Variants in MAP2K5 observed in about 807,000 individuals in gnomAD.
The protein encoded by MAP2K5 is dual specificity mitogen-activated protein kinase kinase 5.
Under a neutral mutation model 83.1 loss-of-function variants are expected in MAP2K5, and 49 were observed. The observed-to-expected ratio is 0.59, with a 90% CI of 0.47 to 0.75. The LOEUF (loss-of-function observed/expected upper bound fraction) is 0.75. Ranked by LOEUF, MAP2K5 falls within the 30% of genes least tolerant of loss-of-function variation. MAP2K5 has a pLI of 0.00. For missense variants in MAP2K5, 457 were observed against 557.5 expected, an observed-to-expected ratio of 0.82 and a Z score of 1.82; for synonymous variants, 202 against 191.8, an observed-to-expected ratio of 1.05 and a Z score of -0.44.
rs1002602111 is a variant in MAP2K5, at chr15:67,760,932, G to A, written c.1135-8670G>A. ...GGGGGCACTGCTCTGCTTCACTGCCGAGTTGCTGTAATCGTTTTGCCGGCT... is the reference window on the plus strand; with the variant it reads ...GGGGGCACTGCTCTGCTTCACTGCCAAGTTGCTGTAATCGTTTTGCCGGCT... On this transcript the variant is annotated intron_variant, in intron 19 of 21. Coordinates refer to ENST00000178640, the MANE Select transcript of MAP2K5 (RefSeq NM_145160.3). The surrounding 1 kb of genome is among the most constrained non-coding windows in gnomAD (Gnocchi z 4.1). Among the ~76,000 whole-genome samples the A allele has an allele frequency of 3.3e-5, 5 of 152,122 alleles. No individual in the cohort carries two copies. The highest frequency in any genetic ancestry group is 4.8e-5 in the African/African-American group (2 of 41,428).
intron 19 of MAP2K5, among the ~76,000 whole-genome samples, chr15:67,759,115 T>C (rs2089899034): frequency 6.6e-6 from 1 of 152,126 alleles, no homozygotes; most frequent in African/African-American, 2.4e-5. Context: ...GGCTCTTAAA[T>C]GTGTTATCTT....
At position 67,743,698 on chromosome 15, in the gene MAP2K5, T is replaced by A. The variant is rs562746498; in HGVS notation, c.1075-4533T>A. On this transcript the variant is annotated intron_variant, in intron 17 of 21. Coordinates refer to ENST00000178640, the MANE Select transcript of MAP2K5 (RefSeq NM_145160.3). ...TTTGTTTTTGCAAGTTATAATGGAT[T>A]GGAGGTTGTATGTCCCTAAGTTTTA... Among the ~76,000 whole-genome samples, 6 of 152,336 alleles carry A rather than the reference T, an allele frequency of 3.9e-5. No homozygotes were observed. The East Asian group carries it at 9.6e-4, about 24-fold the overall frequency.
At chr15:67,710,497 G>GTTTTTTTT (rs10609519) in intron 16 of MAP2K5, among the ~76,000 whole-genome samples, 3 of 81,032 alleles carry the variant, frequency 3.7e-5, no homozygotes, top group Non-Finnish European at 4.7e-5. Context: ...ATCTTCTGAA[G>GTTTTTTTT]TTTTTTTTTT....
chr15:67,710,077 G>A (rs2088654197), intron 16 of MAP2K5, among the ~76,000 whole-genome samples: 1 of 152,152 alleles, frequency 6.6e-6, no homozygotes, highest in Non-Finnish European at 1.5e-5. Flanking sequence ...GCCCAGGCTT[G>A]CCTTGAATTC....
At chr15:67,792,364 C>T (rs549331067) in intron 21 of MAP2K5, among the ~76,000 whole-genome samples, 1 of 152,216 alleles carries the variant, frequency 6.6e-6, no homozygotes, top group African/African-American at 2.4e-5. Flanking sequence ...CTTTGAAACA[C>T]TTGGATACAC....
intron 13 of MAP2K5, among the ~76,000 whole-genome samples, chr15:67,691,710 A>G (rs2088118447): frequency 6.6e-6 from 1 of 152,140 alleles, no homozygotes; most frequent in East Asian, 1.9e-4. Flanking sequence ...AATTCCTGAA[A>G]AGGCTCATTG....
intron 8 of MAP2K5, chr15:67,629,237 G>A: frequency 1.6e-6 from 1 of 621,930 alleles, no homozygotes; most frequent in Admixed American, 2.1e-5. Context: ...GCACGGTGGT[G>A]GCAGGGCCTA....
intron 4 of MAP2K5, 69 bp from the exon 5 acceptor site, chr15:67,585,821 A>G: frequency 7.3e-7 from 1 of 1,375,616 alleles, no homozygotes; most frequent in Non-Finnish European, 1.0e-6. Context: ...TTCTTTTTAA[A>G]CGATTCATTT....
chr15:67,625,935 A>T (rs137874165), intron 8 of MAP2K5, among the ~76,000 whole-genome samples: 5 of 152,318 alleles, frequency 3.3e-5, no homozygotes, highest in Non-Finnish European at 7.3e-5. Flanking sequence ...TATGGTATGT[A>T]TATTAGACTA....
chr15:67,726,649 A>G (rs1330290220), intron 16 of MAP2K5, among the ~76,000 whole-genome samples: 2 of 152,196 alleles, frequency 1.3e-5, no homozygotes, highest in East Asian at 1.9e-4. Context: ...TTAAGTTGCA[A>G]ATCTTAGGGT....
intron 11 of MAP2K5, among the ~76,000 whole-genome samples, chr15:67,648,478 T>A (rs1441740425): frequency 6.6e-6 from 1 of 152,212 alleles, no homozygotes; most frequent in African/African-American, 2.4e-5. Context: ...TTTCATTAGT[T>A]GATGGACATT....
At chr15:67,669,793 AAC>A (rs2087482536) in intron 13 of MAP2K5, among the ~76,000 whole-genome samples, 1 of 5,554 alleles carries the variant, frequency 1.8e-4, no homozygotes, top group Non-Finnish European at 7.7e-3. Flanking sequence ...AAGAGATAAC[AAC>A]AAAAAACCTG....
intron 4 of MAP2K5, among the ~76,000 whole-genome samples, chr15:67,583,317 T>G (rs986386434): frequency 5.9e-5 from 9 of 152,110 alleles, no homozygotes; most frequent in Non-Finnish European, 8.8e-5. Flanking sequence ...GAGTATGTTA[T>G]GGGGAGAGGA....
rs2088168629 is a variant in MAP2K5 at position 67,693,567 on chromosome 15, C to T, written c.971C>T (p.Ala324Val). 4 of 1,608,762 alleles carry T rather than the reference C, an allele frequency of 2.5e-6. No homozygotes were observed. Among genetic ancestry groups the T allele is most frequent in the South Asian group, 1.1e-5 (1 of 90,754 alleles). Reference protein sequence around the residue: ...KTYVGTNAYMAPERISGEQYG... With the variant: ...KTYVGTNAYMVPERISGEQYG... Reference sequence around the variant, plus strand: ...TATGTTGGAACAAATGCTTATATGGCGGTAAGTAAACTTATGCAAAAATAA... The same window carrying T: ...TATGTTGGAACAAATGCTTATATGGTGGTAAGTAAACTTATGCAAAAATAA... The change falls in exon 15 of 22, where the codon GCG becomes GTG. Residue 324 changes from alanine (A) to valine (V), a missense_variant and splice_region_variant. Ala to Val is a moderately conservative substitution (Grantham distance 64). Coordinates refer to ENST00000178640, the MANE Select transcript of MAP2K5 (RefSeq NM_145160.3).
At position 67,565,523 on chromosome 15, in the gene MAP2K5, C is replaced by T. The variant is rs572460206; in HGVS notation, c.252+2173C>T. Among the ~76,000 whole-genome samples the T allele has an allele frequency of 4.6e-5, 7 of 151,642 alleles. No individual in the cohort carries two copies. Among genetic ancestry groups the T allele is most frequent in the Admixed American group, 6.6e-5 (1 of 15,252 alleles). ...GATTACAGGCATGAGCCACTGTGCC[C>T]GGCCTGTCATCATCATTATTAAATT... is the stretch of plus-strand genomic sequence containing the variant. On this transcript the variant is annotated intron_variant, in intron 3 of 21. Transcript: ENST00000178640. This position sits in a 1 kb window ranked among gnomAD's most constrained non-coding sequence, Gnocchi z 4.1.
Position 67,770,293 on chromosome 15 carries a change from T to TCTTTGCCAGGCTTCTGC in MAP2K5, c.1196+639_1196+640insGCTTCTGCCTTTGCCAG, listed in dbSNP as rs1283481735. On this transcript the variant is annotated intron_variant, in intron 20 of 21. Coordinates refer to ENST00000178640, the MANE Select transcript of MAP2K5 (RefSeq NM_145160.3). The surrounding 1 kb of genome is among the most constrained non-coding windows in gnomAD (Gnocchi z 5.0). Reference sequence around the variant, plus strand: ...AAACAAGCATTTTACTGCCAAGGGTTCTTTGCCAGCCTTCTGCCTTTTTCC... The same window carrying TCTTTGCCAGGCTTCTGC: ...AAACAAGCATTTTACTGCCAAGGGTTCTTTGCCAGGCTTCTGCCTTTGCCAGCCTTCTGCCTTTTTCC... Among the ~76,000 whole-genome samples the TCTTTGCCAGGCTTCTGC allele has an allele frequency of 6.6e-6, 1 of 152,212 alleles. No homozygotes were observed. Among genetic ancestry groups the TCTTTGCCAGGCTTCTGC allele is most frequent in the African/African-American group, 2.4e-5 (1 of 41,440 alleles).
chr15:67,804,057 G>T (rs930060558), intron 21 of MAP2K5, among the ~76,000 whole-genome samples: 2 of 152,132 alleles, frequency 1.3e-5, no homozygotes, highest in African/African-American at 4.8e-5. Flanking sequence ...TGCCTCACAG[G>T]ATCCTGTGAC....
rs1428042623 is a variant in MAP2K5 at position 67,736,245 on chromosome 15, G to A, written c.1074+8300G>A. ...ACATCCCCTTGACATGACTGGGGCT[G>A]ATCTGAGGTTGGAAGTCATTGCATT... On this transcript the variant is annotated intron_variant, in intron 17 of 21. Coordinates refer to ENST00000178640, the MANE Select transcript of MAP2K5 (RefSeq NM_145160.3). The surrounding 1 kb of genome is among the most constrained non-coding windows in gnomAD (Gnocchi z 4.3). Among the ~76,000 whole-genome samples, 1 of 152,220 alleles carries A rather than the reference G, an allele frequency of 6.6e-6. No individual in the cohort carries two copies. The highest frequency in any genetic ancestry group is 1.5e-5 in the Non-Finnish European group (1 of 68,046).
At chr15:67,697,668 C>G (rs960788453) in intron 15 of MAP2K5, among the ~76,000 whole-genome samples, 1 of 152,198 alleles carries the variant, frequency 6.6e-6, no homozygotes, top group Admixed American at 6.5e-5. Flanking sequence ...ATAAGCACAG[C>G]ATTTAACTTT....
Sources: gnomAD v4.1 joint callset for allele counts (sites outside exome capture counted in the v4.1 genomes callset) on GRCh38, gnomAD v4.1.1 for gene constraint, Gnocchi (gnomAD v3.1) non-coding constraint, MANE v1.5 for transcripts, NCBI Gene and HGNC (gene_info 2026-07-23, HGNC 2026-07-21) for gene names.